CSMD1: variants seen among roughly 807,000 people sequenced by gnomAD.
CSMD1 encodes CUB and sushi domain-containing protein 1.
A neutral mutation model predicts 417.5 loss-of-function variants in CSMD1; 213 were observed. The observed-to-expected ratio is 0.51, with a 90% CI of 0.46 to 0.57. CSMD1 has a LOEUF of 0.57. Among genes scored for constraint, CSMD1 ranks in the 20% least tolerant of loss-of-function variants. The probability of loss-of-function intolerance (pLI) is 0.00; values close to 1 mark genes in which losing one functional copy is unlikely to be tolerated. For synonymous variants in CSMD1, 2,862 were observed against 1,736.8 expected (o/e 1.65, Z -16.11); for missense variants, 6,923 against 4,529.7 (o/e 1.53, Z -15.17).
In CSMD1 at chr8:4,450,718, G is replaced by A. The variant is rs181696376; in HGVS notation, c.303-30653C>T. On this transcript the variant is annotated intron_variant, in intron 2 of 69. Transcript: ENST00000635120. ...AACACATCACAGAGTTTTAATAAAT[G>A]TCAAACATTTAACAGAATAGCAACA... Among the ~76,000 whole-genome samples, 176 of 152,246 alleles carry A rather than the reference G, an allele frequency of 1.2e-3. 1 individual carries two copies. Among genetic ancestry groups the A allele is most frequent in the African/African-American group, 4.1e-3 (170 of 41,530 alleles).
intron 25 of CSMD1, among the ~76,000 whole-genome samples, chr8:3,305,192 T>A (rs1192000849): frequency 6.6e-6 from 1 of 152,172 alleles, no homozygotes; most frequent in Non-Finnish European, 1.5e-5. Flanking sequence ...GCCTATTTAT[T>A]TCCATAGAAA....
At chr8:3,360,302 G>A (rs1315892399) in intron 20 of CSMD1, among the ~76,000 whole-genome samples, 1 of 152,208 alleles carries the variant, frequency 6.6e-6, no homozygotes, top group East Asian at 1.9e-4. Flanking sequence ...TATTCAAAAT[G>A]TCAGCACTGA....
At chr8:3,313,337 A>C (rs1442929817) in intron 23 of CSMD1, among the ~76,000 whole-genome samples, 1 of 152,212 alleles carries the variant, frequency 6.6e-6, no homozygotes, top group African/African-American at 2.4e-5. Flanking sequence ...CAGGCAACAT[A>C]CAGAAAGGGA....
intron 5 of CSMD1, among the ~76,000 whole-genome samples, chr8:3,993,655 G>T (rs1667603342): frequency 6.6e-6 from 1 of 152,152 alleles, no homozygotes. Context: ...GCTGGTTCAT[G>T]AAAAATAGAG....
chr8:4,446,409 G>A (rs1051848773), intron 2 of CSMD1, among the ~76,000 whole-genome samples: 2 of 152,132 alleles, frequency 1.3e-5, no homozygotes, highest in South Asian at 2.1e-4. Flanking sequence ...GTAGCCATGG[G>A]TGGTGGTGCA....
At chr8:4,517,704 A>C (rs945438934) in intron 2 of CSMD1, among the ~76,000 whole-genome samples, 1 of 152,224 alleles carries the variant, frequency 6.6e-6, no homozygotes, top group Non-Finnish European at 1.5e-5. Flanking sequence ...CAAAATACTA[A>C]TACTTAGTTT....
chr8:3,313,820 C>T (rs546138367), intron 23 of CSMD1, among the ~76,000 whole-genome samples: 19 of 152,244 alleles, frequency 1.2e-4, no homozygotes, highest in South Asian at 4.1e-4. Flanking sequence ...AACATGCACA[C>T]GTATGTTTAT....
intron 5 of CSMD1, among the ~76,000 whole-genome samples, chr8:3,891,896 C>T (rs143220661): frequency 2.0e-5 from 3 of 152,240 alleles, no homozygotes; most frequent in African/African-American, 7.2e-5. Flanking sequence ...ATTATGTCCA[C>T]ATGATTTACA....
chr8:4,214,700 G>A (rs933825595), intron 3 of CSMD1, among the ~76,000 whole-genome samples: 8 of 152,200 alleles, frequency 5.3e-5, no homozygotes, highest in South Asian at 2.1e-4. Flanking sequence ...TGTAGCTAAC[G>A]TGGATATAGG....
At chr8:4,034,645 G>C (rs927945921) in intron 3 of CSMD1, among the ~76,000 whole-genome samples, 1 of 152,080 alleles carries the variant, frequency 6.6e-6, no homozygotes, top group Non-Finnish European at 1.5e-5. Flanking sequence ...ACGTTGTATA[G>C]CCACCGTAAA....
chr8:3,221,589 T>C (rs1309374062), intron 28 of CSMD1, among the ~76,000 whole-genome samples: 6 of 152,112 alleles, frequency 3.9e-5, no homozygotes, highest in Non-Finnish European at 1.5e-5. Context: ...CTCTCTTTTT[T>C]TTTTGCCTGT....
intron 3 of CSMD1, among the ~76,000 whole-genome samples, chr8:4,250,182 C>T (rs976257502): frequency 6.6e-6 from 1 of 152,210 alleles, no homozygotes; most frequent in African/African-American, 2.4e-5. Context: ...CAATACATTT[C>T]TTTTCTTTAC....
At chr8:4,477,126 C>G (rs1208816301) in intron 2 of CSMD1, among the ~76,000 whole-genome samples, 1 of 152,192 alleles carries the variant, frequency 6.6e-6, no homozygotes, top group African/African-American at 2.4e-5. Context: ...TCTTAAGAGT[C>G]ACAGTTTATC....
chr8:3,105,189 G>T (rs1039799802), intron 46 of CSMD1, among the ~76,000 whole-genome samples: 1 of 152,130 alleles, frequency 6.6e-6, no homozygotes, highest in Non-Finnish European at 1.5e-5. Flanking sequence ...AAAATAAAGC[G>T]GATAAATCAT....
At chr8:3,425,772 A>G (rs936507991) in intron 12 of CSMD1, among the ~76,000 whole-genome samples, 2 of 152,110 alleles carry the variant, frequency 1.3e-5, no homozygotes, top group African/African-American at 2.4e-5. Flanking sequence ...TATTCAATAG[A>G]CAGCAAATTT....
chr8:4,115,710 A>C (rs1000548847), intron 3 of CSMD1, among the ~76,000 whole-genome samples: 1 of 152,194 alleles, frequency 6.6e-6, no homozygotes, highest in African/African-American at 2.4e-5. Flanking sequence ...GTGAGTGAAT[A>C]AACTGTGGGA....
intron 49 of CSMD1, among the ~76,000 whole-genome samples, chr8:3,065,202 T>C (rs1196755989): frequency 2.0e-5 from 3 of 151,962 alleles, no homozygotes; most frequent in African/African-American, 7.3e-5. Flanking sequence ...AAGAAAGATA[T>C]ATAGTGATAG....
At chr8:4,589,089 CCTT>C (rs1438099193) in intron 2 of CSMD1, among the ~76,000 whole-genome samples, 2 of 151,974 alleles carry the variant, frequency 1.3e-5, no homozygotes, top group African/African-American at 4.8e-5. Context: ...AATATGTTGT[CCTT>C]AGACTATCTT....
intron 1 of CSMD1, among the ~76,000 whole-genome samples, chr8:4,738,024 A>C (rs903924690): frequency 2.6e-5 from 4 of 152,234 alleles, no homozygotes; most frequent in Non-Finnish European, 5.9e-5. Flanking sequence ...AACTTGGAGA[A>C]TGAGAGAGAA....
Sources: allele counts gnomAD v4.1 joint callset (sites outside exome capture counted in the v4.1 genomes callset), GRCh38; gene constraint gnomAD v4.1.1; transcripts MANE v1.5; gene names NCBI Gene and HGNC (gene_info 2026-07-23, HGNC 2026-07-21).